ZFYVE9: variants seen among roughly 807,000 people sequenced by gnomAD.
ZFYVE9 encodes the protein zinc finger FYVE domain-containing protein 9.
Under a neutral mutation model 126.7 loss-of-function variants are expected in ZFYVE9, and 43 were observed. The ratio of observed to expected loss-of-function variants is 0.34; its 90% CI spans 0.27 to 0.44. ZFYVE9 has a LOEUF of 0.44. Among genes scored for constraint, ZFYVE9 ranks in the 20% least tolerant of loss-of-function variants. ZFYVE9 has a pLI of 1.00. For missense variants in ZFYVE9, 1,476 were observed against 1,697.0 expected (o/e 0.87, Z 2.29); for synonymous variants, 521 against 597.4 (o/e 0.87, Z 1.87).
At chr1:52,278,921 A>C (rs1195566935) in intron 9 of ZFYVE9, among the ~76,000 whole-genome samples, 2 of 150,464 alleles carry the variant, frequency 1.3e-5, no homozygotes, top group Admixed American at 6.6e-5. Context: ...TTTTTTTTTT[A>C]GTAGAGACAG....
At chr1:52,313,041 G>A (rs1646152927) in intron 13 of ZFYVE9, among the ~76,000 whole-genome samples, 1 of 152,164 alleles carries the variant, frequency 6.6e-6, no homozygotes, top group African/African-American at 2.4e-5. Context: ...AAGAGACATA[G>A]GGAGAAGATG....
intron 1 of ZFYVE9, among the ~76,000 whole-genome samples, chr1:52,167,200 A>G (rs982121078): frequency 1.3e-5 from 2 of 152,202 alleles, no homozygotes; most frequent in Admixed American, 6.5e-5. Flanking sequence ...GTTGCTCTGT[A>G]TATCACATTA....
intron 1 of ZFYVE9, among the ~76,000 whole-genome samples, chr1:52,192,686 A>G (rs918395885): frequency 3.3e-5 from 5 of 152,178 alleles, no homozygotes. Flanking sequence ...AATGCACAGG[A>G]TATGTAAAGA....
chr1:52,303,121 A>G (rs1646051201), intron 12 of ZFYVE9, among the ~76,000 whole-genome samples: 1 of 152,070 alleles, frequency 6.6e-6, no homozygotes, highest in Non-Finnish European at 1.5e-5. Context: ...GAATAAATAA[A>G]TAAACTGTTA....
chr1:52,297,988 C>T (rs1003487272), intron 12 of ZFYVE9, among the ~76,000 whole-genome samples: 7 of 152,020 alleles, frequency 4.6e-5, no homozygotes, highest in Admixed American at 2.0e-4. Flanking sequence ...TGCCTTTTGC[C>T]TGTTTTTTAA....
intron 11 of ZFYVE9, among the ~76,000 whole-genome samples, chr1:52,294,357 A>G (rs1396410048): frequency 6.6e-6 from 1 of 152,194 alleles, no homozygotes; most frequent in Non-Finnish European, 1.5e-5. Flanking sequence ...CTTCTATTTT[A>G]TATTGGGTTG....
At chr1:52,180,541 C>T (rs1341067711) in intron 1 of ZFYVE9, 1 of 674,378 alleles carries the variant, frequency 1.5e-6, no homozygotes, top group African/African-American at 1.8e-5. Flanking sequence ...GACAGTGATT[C>T]TGAGGGTGAC....
chr1:52,300,570 G>A (rs970886795), intron 12 of ZFYVE9, among the ~76,000 whole-genome samples: 3 of 150,908 alleles, frequency 2.0e-5, no homozygotes, highest in Non-Finnish European at 4.4e-5. Context: ...CAGCCTGGGC[G>A]ACAGAGTAAG....
chr1:52,334,960 A>G (rs1569778921), intron 15 of ZFYVE9, 192 bp downstream of exon 15: 7 of 470,194 alleles, frequency 1.5e-5, no homozygotes, highest in Non-Finnish European at 2.6e-5. Context: ...CCATGTGACA[A>G]TGACATTAAA....
At chr1:52,194,794 A>G (rs1252502851) in intron 1 of ZFYVE9, among the ~76,000 whole-genome samples, 1 of 152,176 alleles carries the variant, frequency 6.6e-6, no homozygotes, top group Non-Finnish European at 1.5e-5. Flanking sequence ...GTTGATAAGC[A>G]TAAAAACATG....
At chr1:52,318,627 A>T (rs1332240497) in intron 13 of ZFYVE9, among the ~76,000 whole-genome samples, 2 of 152,016 alleles carry the variant, frequency 1.3e-5, no homozygotes, top group African/African-American at 4.8e-5. Context: ...TATATATATA[A>T]AAAAAGACTG....
chr1:52,248,627 A>G (rs2124643187), intron 4 of ZFYVE9, among the ~76,000 whole-genome samples: 1 of 152,272 alleles, frequency 6.6e-6, no homozygotes, highest in South Asian at 2.1e-4. Context: ...TGAATATTTC[A>G]TTGTATGTAT....
At chr1:52,158,501 A>G (rs562909213) in intron 1 of ZFYVE9, among the ~76,000 whole-genome samples, 5 of 152,236 alleles carry the variant, frequency 3.3e-5, no homozygotes, top group South Asian at 2.1e-4. Context: ...GGAAATGACA[A>G]TCTTTGGGGG....
At chr1:52,328,752 T>C (rs1176356195) in intron 13 of ZFYVE9, among the ~76,000 whole-genome samples, 2 of 152,206 alleles carry the variant, frequency 1.3e-5, no homozygotes, top group Non-Finnish European at 2.9e-5. Flanking sequence ...TGTCTGTCAG[T>C]TGGCTTTGCT....
At chr1:52,152,303 T>G (rs983022264) in intron 1 of ZFYVE9, among the ~76,000 whole-genome samples, 1 of 152,180 alleles carries the variant, frequency 6.6e-6, no homozygotes, top group African/African-American at 2.4e-5. Flanking sequence ...TTACCCAAAC[T>G]TATTTGGTTG....
At chr1:52,333,163 A>G (rs1263635431) in intron 14 of ZFYVE9, among the ~76,000 whole-genome samples, 1 of 152,104 alleles carries the variant, frequency 6.6e-6, no homozygotes, top group African/African-American at 2.4e-5. Context: ...GAGGGATAGC[A>G]TTAGGAGAAA....
chr1:52,262,837 C>T (rs1569617405), intron 4 of ZFYVE9, among the ~76,000 whole-genome samples: 1 of 151,836 alleles, frequency 6.6e-6, no homozygotes, highest in South Asian at 2.1e-4. Context: ...TTTGGGAGGC[C>T]GAGGTGGGTG....
intron 11 of ZFYVE9, among the ~76,000 whole-genome samples, chr1:52,294,822 A>G (rs1450795450): frequency 2.6e-5 from 4 of 152,250 alleles, no homozygotes; most frequent in Non-Finnish European, 5.9e-5. Flanking sequence ...TTCCTATTTT[A>G]TACAGGCATT....
chr1:52,238,344 C>T lies in ZFYVE9; in HGVS notation c.927C>T (p.Ser309=). The T allele has an allele frequency of 6.2e-7, 1 of 1,613,778 alleles. No homozygotes were observed. Among genetic ancestry groups the T allele is most frequent in the South Asian group, 1.1e-5 (1 of 91,090 alleles). The change falls in exon 4 of 19, where the codon TCC becomes TCT. Residue 309 remains serine, a synonymous_variant. Transcript: ENST00000287727. ...SPRTDLGSPN[S]FSHMSEGILM... is the part of the protein sequence containing the mutation. ...GGACAGATCTAGGGAGTCCAAATTCCTTTTCCCACATGAGTGAGGGGATTT... is the reference window on the plus strand; with the variant it reads ...GGACAGATCTAGGGAGTCCAAATTCTTTTTCCCACATGAGTGAGGGGATTT...
Sources: allele counts gnomAD v4.1 joint callset (sites outside exome capture counted in the v4.1 genomes callset), GRCh38; gene constraint gnomAD v4.1.1; transcripts MANE v1.5; gene names NCBI Gene and HGNC (gene_info 2026-07-23, HGNC 2026-07-21).